The following RNF180 variants were observed in gnomAD, a reference collection of about 807,000 sequenced individuals.
RNF180 encodes the protein E3 ubiquitin-protein ligase RNF180.
Under a neutral mutation model 59.2 loss-of-function variants are expected in RNF180, and 38 were observed. The ratio of observed to expected loss-of-function variants is 0.64; its 90% CI spans 0.50 to 0.84. RNF180 has a LOEUF of 0.84. Among genes scored for constraint, RNF180 ranks in the 40% least tolerant of loss-of-function variants. The pLI is 0.00. For synonymous variants in RNF180, 262 were observed against 240.3 expected, an observed-to-expected ratio of 1.09 and a Z score of -0.84; for missense variants, 705 against 700.9, an observed-to-expected ratio of 1.01 and a Z score of -0.07.
intron 5 of RNF180, among the ~76,000 whole-genome samples, chr5:64,296,664 A>AG (rs1241380910): frequency 2.0e-5 from 3 of 152,024 alleles, no homozygotes; most frequent in Non-Finnish European, 4.4e-5. Context: ...GGTCAAAAAA[A>AG]AAAAAGGAAA....
At chr5:64,187,089 T>C (rs749442647) in intron 1 of RNF180, among the ~76,000 whole-genome samples, 7 of 152,186 alleles carry the variant, frequency 4.6e-5, no homozygotes, top group Admixed American at 3.3e-4. Flanking sequence ...TATTTTATAA[T>C]TCTTAAAGAT....
At chr5:64,299,859 G>T (rs1743072961) in intron 5 of RNF180, among the ~76,000 whole-genome samples, 1 of 151,808 alleles carries the variant, frequency 6.6e-6, no homozygotes, top group Non-Finnish European at 1.5e-5. Flanking sequence ...ATAAATAAAT[G>T]GTTCATAAGT....
At chr5:64,218,232 C>A (rs1336137636) in intron 5 of RNF180, among the ~76,000 whole-genome samples, 1 of 152,038 alleles carries the variant, frequency 6.6e-6, no homozygotes, top group East Asian at 1.9e-4. Context: ...ATGGTTTCTT[C>A]AAAAAGTTTT....
intron 7 of RNF180, among the ~76,000 whole-genome samples, chr5:64,366,692 A>G (rs1746462185): frequency 1.3e-5 from 2 of 151,782 alleles, no homozygotes; most frequent in South Asian, 4.1e-4. Flanking sequence ...AATAAAGAAA[A>G]AAAGAATTTT....
intron 6 of RNF180, among the ~76,000 whole-genome samples, chr5:64,329,513 A>C (rs955605573): frequency 7.0e-6 from 1 of 143,474 alleles, no homozygotes; most frequent in Non-Finnish European, 1.5e-5. Flanking sequence ...GCTGGAGTGC[A>C]ATGGTGCCAT....
At chr5:64,351,192 A>C (rs1372725143) in intron 7 of RNF180, among the ~76,000 whole-genome samples, 2 of 152,230 alleles carry the variant, frequency 1.3e-5, no homozygotes, top group Admixed American at 6.5e-5. Flanking sequence ...GAGTTCACTC[A>C]TGATTTGGCT....
chr5:64,348,329 A>T (rs992928200), intron 7 of RNF180, among the ~76,000 whole-genome samples: 2 of 152,092 alleles, frequency 1.3e-5, no homozygotes, highest in Admixed American at 1.3e-4. Context: ...TTCAAAGAGA[A>T]CTTAGAATTT....
chr5:64,313,362 T>C (rs1173574888), intron 5 of RNF180, among the ~76,000 whole-genome samples: 1 of 152,136 alleles, frequency 6.6e-6, no homozygotes, highest in Non-Finnish European at 1.5e-5. Context: ...TTTGTATCCA[T>C]ATGTACTCAA....
chr5:64,261,854 G>A (rs1039155683), intron 5 of RNF180, among the ~76,000 whole-genome samples: 2 of 152,106 alleles, frequency 1.3e-5, no homozygotes, highest in Admixed American at 1.3e-4. Flanking sequence ...CTCAAAGGCA[G>A]GCAGATGAAT....
intron 7 of RNF180, among the ~76,000 whole-genome samples, chr5:64,362,271 C>T (rs1280131462): frequency 6.6e-6 from 1 of 151,368 alleles, no homozygotes; most frequent in Admixed American, 6.6e-5. Context: ...CCGGTGTCTA[C>T]TGTTCCCCTC....
intron 1 of RNF180, among the ~76,000 whole-genome samples, chr5:64,189,771 G>A (rs772674770): frequency 3.9e-5 from 6 of 152,124 alleles, no homozygotes; most frequent in East Asian, 1.9e-4. Context: ...TCACTGTATC[G>A]TTGGACAATC....
chr5:64,312,745 C>A (rs908413573), intron 5 of RNF180, among the ~76,000 whole-genome samples: 3 of 152,102 alleles, frequency 2.0e-5, no homozygotes, highest in African/African-American at 7.2e-5. Flanking sequence ...ATACCAACTG[C>A]AGGTCCCTTA....
intron 5 of RNF180, among the ~76,000 whole-genome samples, chr5:64,290,995 C>T (rs1174782581): frequency 6.6e-6 from 1 of 152,224 alleles, no homozygotes; most frequent in Admixed American, 6.5e-5. Flanking sequence ...ACATTTAGTG[C>T]TTCCTTCAGG....
intron 2 of RNF180, among the ~76,000 whole-genome samples, chr5:64,206,614 C>T (rs940626581): frequency 6.6e-6 from 1 of 152,184 alleles, no homozygotes; most frequent in African/African-American, 2.4e-5. Flanking sequence ...CTAGTCTTAG[C>T]ACATGCTATG....
intron 4 of RNF180, among the ~76,000 whole-genome samples, chr5:64,216,129 AT>A (rs1752610891): frequency 6.6e-6 from 1 of 151,876 alleles, no homozygotes; most frequent in African/African-American, 2.4e-5. Flanking sequence ...ACAGAGTTTG[AT>A]TGGTAGCACA....
chr5:64,281,283 G>A (rs936796065), intron 5 of RNF180, among the ~76,000 whole-genome samples: 5 of 152,160 alleles, frequency 3.3e-5, no homozygotes, highest in Non-Finnish European at 7.3e-5. Context: ...TTATTTGGAT[G>A]TCTTTTGTTT....
intron 1 of RNF180, among the ~76,000 whole-genome samples, chr5:64,177,626 T>C (rs1264169605): frequency 6.7e-6 from 1 of 150,364 alleles, no homozygotes; most frequent in Non-Finnish European, 1.5e-5. Flanking sequence ...TAGCAGTATA[T>C]GTCAGCTTAT....
intron 5 of RNF180, among the ~76,000 whole-genome samples, chr5:64,302,967 T>C (rs1049389748): frequency 6.6e-6 from 1 of 151,720 alleles, no homozygotes; most frequent in African/African-American, 2.4e-5. Flanking sequence ...GTGACAACCC[T>C]GCATTGAGCA....
intron 7 of RNF180, among the ~76,000 whole-genome samples, chr5:64,350,315 C>G (rs931386823): frequency 6.6e-6 from 1 of 151,884 alleles, no homozygotes; most frequent in East Asian, 1.9e-4. Flanking sequence ...GGATATTAGC[C>G]CTTTGTCAGA....
Sources: gnomAD v4.1 joint callset for allele counts (sites outside exome capture counted in the v4.1 genomes callset) on GRCh38, gnomAD v4.1.1 for gene constraint, MANE v1.5 for transcripts, NCBI Gene and HGNC (gene_info 2026-07-23, HGNC 2026-07-21) for gene names.